ANKRD11: variants seen among roughly 807,000 people sequenced by gnomAD.
ANKRD11 encodes the protein ankyrin repeat domain-containing protein 11.
Under a neutral mutation model 195.7 loss-of-function variants are expected in ANKRD11, and 17 were observed. That is an observed-to-expected ratio of 0.09 (90% CI 0.06 to 0.13). ANKRD11 has a LOEUF of 0.13. Among genes scored for constraint, ANKRD11 ranks in the 10% least tolerant of loss-of-function variants. The pLI is 1.00. For synonymous variants in ANKRD11, 1,953 were observed against 1,528.1 expected (o/e 1.28, Z -6.49); for missense variants, 3,735 against 3,566.1 (o/e 1.05, Z -1.21).
chr16:89,287,042 G>A, intron 7 of ANKRD11: 1 of 1,289,758 alleles, frequency 7.8e-7, no homozygotes, highest in Non-Finnish European at 1.0e-6. Flanking sequence ...CAAAACCTCA[G>A]GCTTACAATT....
At position 89,285,979 on chromosome 16, in the gene ANKRD11, C is replaced by T; in HGVS notation, c.892+60G>A. ...GAGGGGCAACACTGTGCAAACACCA[C>T]AGGGCAGCTCCTACCATCCCTGCAT... On this transcript the variant is annotated intron_variant, in intron 8 of 12. Coordinates refer to ENST00000301030, the MANE Select transcript of ANKRD11 (RefSeq NM_013275.6). This position sits in a 1 kb window ranked among gnomAD's most constrained non-coding sequence, Gnocchi z 5.6. The T allele has an allele frequency of 6.2e-7, 1 of 1,611,400 alleles. No individual in the cohort carries two copies. Among genetic ancestry groups the T allele is most frequent in the Admixed American group, 1.7e-5 (1 of 60,022 alleles).
In ANKRD11 at chr16:89,280,262, C is replaced by G; in HGVS notation, c.6280G>C (p.Ala2094Pro). Residue 2094 changes from alanine to proline, a missense_variant, in exon 9 of 13, where the codon GCT (alanine) becomes CCT (proline). By Grantham distance (27) the Ala-to-Pro change is conservative (BLOSUM62 -1). Coordinates refer to ENST00000301030, the MANE Select transcript of ANKRD11 (RefSeq NM_013275.6). Reference protein sequence around the residue: ...ACVAAVAQVEALGPLENSFLD... With the variant: ...ACVAAVAQVEPLGPLENSFLD... ...AAGCTATTTTCCAGGGGCCCCAGAGCCTCCACCTGAGCCACAGCGGCTACA... is the reference window on the plus strand; with the variant it reads ...AAGCTATTTTCCAGGGGCCCCAGAGGCTCCACCTGAGCCACAGCGGCTACA... The G allele has an allele frequency of 6.2e-7, 1 of 1,609,048 alleles. No homozygotes were observed. The highest frequency in any genetic ancestry group is 1.1e-5 in the South Asian group (1 of 91,010).
rs752033929 is a variant in ANKRD11, at chr16:89,282,887, C to T, written c.3655G>A (p.Asp1219Asn). 16 of 1,613,040 alleles carry T rather than the reference C, an allele frequency of 9.9e-6. No homozygotes were observed. In the Admixed American group the frequency reaches 2.5e-4, roughly 25 times the overall value. Residue 1219 changes from aspartate to asparagine, a missense_variant, in exon 9 of 13, where the codon GAC becomes AAC. By Grantham distance (23) the Asp-to-Asn change is conservative. Coordinates refer to ENST00000301030, the MANE Select transcript of ANKRD11 (RefSeq NM_013275.6). ...TCCACTGAGGCTCTGTCCTTCCTGT[C>T]CTTGTACTTTTCTGTGGACTCTTTA... Reference protein sequence around the residue: ...KDKESTEKYKDRKDRASVDST... With the variant: ...KDKESTEKYKNRKDRASVDST...
chr16:89,387,692 GAAAA>G (rs920498026), intron 2 of ANKRD11, among the ~76,000 whole-genome samples: 2 of 67,494 alleles, frequency 3.0e-5, no homozygotes, highest in Non-Finnish European at 6.1e-5. Context: ...AAAAGAAAAA[GAAAA>G]AAAAAAAAAA....
Position 89,281,989 on chromosome 16 carries a change from G to A in ANKRD11, c.4553C>T (p.Ser1518Phe). ...DSPPRVLKDK[S>F]RDEGPRLGDA... is the part of the protein sequence containing the mutation. Reference sequence around the variant, plus strand: ...GCCGAGCCTCGGGCCCTCGTCCCTGGACTTGTCTTTGAGCACGCGGGGCGG... The same window carrying A: ...GCCGAGCCTCGGGCCCTCGTCCCTGAACTTGTCTTTGAGCACGCGGGGCGG... Residue 1518 changes from serine (S) to phenylalanine (F), a missense_variant, in exon 9 of 13, where the codon TCC becomes TTC. Physicochemically the swap from Ser to Phe is radical, Grantham distance 155. Coordinates refer to ENST00000301030, the MANE Select transcript of ANKRD11 (RefSeq NM_013275.6). This position sits in a 1 kb window ranked among gnomAD's most constrained non-coding sequence, Gnocchi z 5.5. 1.2e-6 allele frequency: 2 copies of A among 1,613,092 alleles called. No individual in the cohort carries two copies. The highest frequency in any genetic ancestry group is 1.7e-6 in the Non-Finnish European group (2 of 1,180,024).
chr16:89,383,027 A>G (rs143976256), intron 2 of ANKRD11, among the ~76,000 whole-genome samples: 419 of 152,284 alleles, frequency 2.8e-3, no homozygotes, highest in African/African-American at 9.2e-3. Context: ...ACTTTTAATA[A>G]AGGTAGTTAT....
chr16:89,349,708 C>T (rs1326977744), intron 2 of ANKRD11, among the ~76,000 whole-genome samples: 4 of 152,054 alleles, frequency 2.6e-5, no homozygotes, highest in Admixed American at 1.3e-4. Flanking sequence ...AGAAAACTTG[C>T]TCTACGATGC....
rs865977339 is a variant in ANKRD11, at chr16:89,442,166, A to C, written c.-144-23798T>G. 5.3e-5 allele frequency among the ~76,000 whole-genome samples: 8 copies of C among 152,344 alleles called. No homozygotes were observed. The Middle Eastern group carries it at 0.017, about 324-fold the overall frequency. Reference sequence around the variant, plus strand: ...CCAAGGCGAAGGCCGCAGGGGGAGGAGGCTCAGCAGAGGGAGGACACCCCA... The same window carrying C: ...CCAAGGCGAAGGCCGCAGGGGGAGGCGGCTCAGCAGAGGGAGGACACCCCA... On this transcript the variant is annotated intron_variant, in intron 1 of 12. Transcript: ENST00000301030.
In ANKRD11 at chr16:89,384,880, T is replaced by TTTTC. The variant is rs2040837931; in HGVS notation, c.-60+33403_-60+33404insGAAA. ...GAGCACACAATGAGAAATAGTTTTC[T>TTTTC]TTTTTTTTTTTTTTTTTTTTTTTTT... On this transcript the variant is annotated intron_variant, in intron 2 of 12. Transcript: ENST00000301030. Among the ~76,000 whole-genome samples the TTTTC allele has an allele frequency of 1.2e-3, 13 of 10,524 alleles. 1 individual carries two copies. The highest frequency in any genetic ancestry group is 3.0e-3 in the African/African-American group (12 of 4,052). The allele number at this position is 10,524 out of a possible 152,430, so 6.9% of individuals were successfully genotyped here. A position where few individuals can be genotyped will look rare whatever the true frequency, so the allele number is the denominator to read the frequency against.
intron 2 of ANKRD11, among the ~76,000 whole-genome samples, chr16:89,414,720 C>T (rs866464626): frequency 6.6e-6 from 1 of 152,272 alleles, no homozygotes; most frequent in Middle Eastern, 3.4e-3. Context: ...GACCCTATGT[C>T]ACTGCGGCCA....
intron 3 of ANKRD11, among the ~76,000 whole-genome samples, chr16:89,312,513 A>C (rs2036664873): frequency 6.6e-6 from 1 of 152,218 alleles, no homozygotes; most frequent in African/African-American, 2.4e-5. Context: ...CTGAGCCCTA[A>C]GACTGGGAAG....
intron 2 of ANKRD11, among the ~76,000 whole-genome samples, chr16:89,382,118 T>C (rs1303177803): frequency 6.6e-6 from 1 of 152,074 alleles, no homozygotes; most frequent in Non-Finnish European, 1.5e-5. Context: ...GGACGCGGCC[T>C]CCCAGCAGCT....
chr16:89,362,980 C>T (rs1441209007), intron 2 of ANKRD11, among the ~76,000 whole-genome samples: 2 of 151,830 alleles, frequency 1.3e-5, no homozygotes, highest in African/African-American at 2.4e-5. Context: ...GACACAGCGT[C>T]AGGTTATAAA....
intron 2 of ANKRD11, among the ~76,000 whole-genome samples, chr16:89,335,174 A>G (rs1037507686): frequency 1.1e-4 from 16 of 152,206 alleles, no homozygotes; most frequent in Non-Finnish European, 2.1e-4. Flanking sequence ...TGGAAAGCAC[A>G]GGAAGTGAGC....
At chr16:89,479,739 T>C (rs1002099134) in intron 1 of ANKRD11, among the ~76,000 whole-genome samples, 5 of 151,812 alleles carry the variant, frequency 3.3e-5, no homozygotes, top group African/African-American at 1.2e-4. Context: ...TTCAGGAGAT[T>C]GAGACCATCC....
intron 2 of ANKRD11, among the ~76,000 whole-genome samples, chr16:89,387,805 C>G (rs1597241032): frequency 1.3e-5 from 2 of 151,090 alleles, no homozygotes; most frequent in African/African-American, 4.9e-5. Flanking sequence ...GGGTTCAAGA[C>G]CAGCCTGGCC....
chr16:89,313,368 G>C, intron 3 of ANKRD11: 1 of 1,287,866 alleles, frequency 7.8e-7, no homozygotes, highest in Non-Finnish European at 1.0e-6. Context: ...TTCTTCCCGA[G>C]GCAGCTCAGC....
intron 9 of ANKRD11, chr16:89,278,775 T>G: frequency 3.5e-6 from 2 of 577,760 alleles, no homozygotes; most frequent in East Asian, 3.8e-5. Flanking sequence ...GTGAGCGGCG[T>G]GAAGGGGGAG....
At chr16:89,331,112 C>A (rs1470984109) in intron 2 of ANKRD11, among the ~76,000 whole-genome samples, 1 of 152,124 alleles carries the variant, frequency 6.6e-6, no homozygotes, top group African/African-American at 2.4e-5. Flanking sequence ...TGCCACCATG[C>A]CCGGCTAATT....
Sources: gnomAD v4.1 joint callset for allele counts (sites outside exome capture counted in the v4.1 genomes callset) on GRCh38, gnomAD v4.1.1 for gene constraint, Gnocchi (gnomAD v3.1) non-coding constraint, MANE v1.5 for transcripts, NCBI Gene and HGNC (gene_info 2026-07-23, HGNC 2026-07-21) for gene names.